Variants in DLGAP2 observed in about 807,000 individuals in gnomAD.
The protein encoded by DLGAP2 is DLG associated protein 2.
Under a neutral mutation model 100.3 loss-of-function variants are expected in DLGAP2, and 26 were observed. The ratio of observed to expected loss-of-function variants is 0.26; its 90% CI spans 0.19 to 0.36. DLGAP2 has a LOEUF of 0.36. DLGAP2 is among the 10% of genes least tolerant of loss of function. DLGAP2 has a pLI of 1.00. For synonymous variants in DLGAP2, 886 were observed against 630.1 expected (o/e 1.41, Z -6.08); for missense variants, 1,858 against 1,453.2 (o/e 1.28, Z -4.53).
intron 3 of DLGAP2, among the ~76,000 whole-genome samples, chr8:1,430,027 T>TATATATATATAC (rs1282725274): frequency 7.0e-4 from 54 of 76,840 alleles, no homozygotes; most frequent in Non-Finnish European, 9.2e-4. Flanking sequence ...TATATATATA[T>TATATATATATAC]ACACACACAC....
At chr8:1,065,090 T>C (rs1004895350) in intron 2 of DLGAP2, among the ~76,000 whole-genome samples, 1 of 152,222 alleles carries the variant, frequency 6.6e-6, no homozygotes, top group Non-Finnish European at 1.5e-5. Context: ...TGAGAAAATA[T>C]GTCTCCACGC....
intron 4 of DLGAP2, among the ~76,000 whole-genome samples, chr8:1,538,719 T>G (rs1165435337): frequency 6.6e-6 from 1 of 152,040 alleles, no homozygotes; most frequent in Non-Finnish European, 1.5e-5. Context: ...ACCTCTCTTA[T>G]CAGAGGCAAA....
At chr8:789,872 C>A (rs1279041526) in intron 1 of DLGAP2, among the ~76,000 whole-genome samples, 1 of 152,172 alleles carries the variant, frequency 6.6e-6, no homozygotes, top group South Asian at 2.1e-4. Flanking sequence ...GTGTAATGAT[C>A]AAAGCAGCTG....
At chr8:1,541,468 T>C (rs1219413883) in intron 4 of DLGAP2, among the ~76,000 whole-genome samples, 1 of 152,228 alleles carries the variant, frequency 6.6e-6, no homozygotes, top group Non-Finnish European at 1.5e-5. Context: ...TTACTGTGCC[T>C]GGGATGATGT....
chr8:927,170 T>C (rs1170850210), intron 2 of DLGAP2: 5 of 985,306 alleles, frequency 5.1e-6, no homozygotes, highest in Non-Finnish European at 4.8e-6. Flanking sequence ...ATGTGTCAGA[T>C]GGGGAGTGTT....
intron 6 of DLGAP2, among the ~76,000 whole-genome samples, chr8:1,585,716 G>A (rs900950985): frequency 3.9e-5 from 6 of 152,180 alleles, no homozygotes; most frequent in African/African-American, 1.4e-4. Context: ...CCCAGCCGTG[G>A]GCAGTGCCTG....
chr8:1,307,935 A>G (rs935333961), intron 3 of DLGAP2, among the ~76,000 whole-genome samples: 1 of 146,994 alleles, frequency 6.8e-6, no homozygotes, highest in Non-Finnish European at 1.5e-5. Context: ...CGCATTTTGG[A>G]GACAATGGCA....
chr8:1,340,434 T>C (rs2117080129), intron 3 of DLGAP2, among the ~76,000 whole-genome samples: 1 of 152,266 alleles, frequency 6.6e-6, no homozygotes, highest in South Asian at 2.1e-4. Context: ...AACAGACACT[T>C]TTCAAAAGAA....
Position 1,112,945 on chromosome 8 carries a change from C to T in DLGAP2, c.74-145906C>T, listed in dbSNP as rs1459448952. ...ATGACTAGCCGGTTATCCCAGCACC[C>T]TTTGTTGACTAGGGAGTCTTTTCCC... On this transcript the variant is annotated intron_variant, in intron 2 of 14. Coordinates refer to ENST00000637795, the MANE Select transcript of DLGAP2 (RefSeq NM_001346810.2). 9.2e-5 allele frequency among the ~76,000 whole-genome samples: 14 copies of T among 152,272 alleles called. No individual in the cohort carries two copies. In the East Asian group the frequency reaches 2.1e-3, roughly 23 times the overall value.
In DLGAP2 at chr8:1,485,850, C is replaced by T. The variant is rs142790856; in HGVS notation, c.107-15516C>T. On this transcript the variant is annotated intron_variant, in intron 3 of 14. Transcript: ENST00000637795. The stretch of plus-strand genomic sequence containing the variant: ...GAACAGCCTGGCCAACATGGCGAAA[C>T]CCCATCTCTACTAAAATACAAAAAT... Among the ~76,000 whole-genome samples the T allele has an allele frequency of 5.4e-3, 815 of 152,252 alleles. 7 individuals carry two copies. Among genetic ancestry groups the T allele is most frequent in the African/African-American group, 0.019 (778 of 41,536 alleles).
intron 2 of DLGAP2, among the ~76,000 whole-genome samples, chr8:1,047,993 C>G (rs1007561982): frequency 3.3e-5 from 5 of 152,112 alleles, no homozygotes. Flanking sequence ...AACCTTAGAC[C>G]GTTAAGGCCT....
At chr8:1,336,998 G>T (rs1276970366) in intron 3 of DLGAP2, among the ~76,000 whole-genome samples, 1 of 152,206 alleles carries the variant, frequency 6.6e-6, no homozygotes, top group African/African-American at 2.4e-5. Flanking sequence ...GGAGTGAGGA[G>T]CAGAGGCAAT....
At chr8:913,480 A>T (rs1278602874) in intron 2 of DLGAP2, among the ~76,000 whole-genome samples, 1 of 152,228 alleles carries the variant, frequency 6.6e-6, no homozygotes. Flanking sequence ...ATATGTTGAA[A>T]TGAGTCTTGA....
chr8:1,279,294 C>T (rs1215082484), intron 3 of DLGAP2, among the ~76,000 whole-genome samples: 1 of 152,156 alleles, frequency 6.6e-6, no homozygotes, highest in African/African-American at 2.4e-5. Flanking sequence ...ATCTTCTTCA[C>T]CTCAATTTCA....
At chr8:1,382,229 A>C (rs1796113700) in intron 3 of DLGAP2, among the ~76,000 whole-genome samples, 1 of 152,228 alleles carries the variant, frequency 6.6e-6, no homozygotes, top group African/African-American at 2.4e-5. Context: ...TGTTATGAAA[A>C]TCATAAAATA....
At chr8:1,190,733 A>G (rs117260921) in intron 2 of DLGAP2, among the ~76,000 whole-genome samples, 185 of 152,254 alleles carry the variant, frequency 1.2e-3, no homozygotes, top group Middle Eastern at 3.4e-3. Context: ...ACCTGCCTCA[A>G]TGAAGGTCCT....
At chr8:1,189,690 C>G (rs141175710) in intron 2 of DLGAP2, among the ~76,000 whole-genome samples, 1 of 152,142 alleles carries the variant, frequency 6.6e-6, no homozygotes, top group African/African-American at 2.4e-5. Flanking sequence ...GTTTTCCCCT[C>G]AGGAAGTTTA....
intron 6 of DLGAP2, among the ~76,000 whole-genome samples, chr8:1,574,358 C>T (rs1276863794): frequency 6.6e-6 from 1 of 152,106 alleles, no homozygotes; most frequent in African/African-American, 2.4e-5. Context: ...CAGCCCTCGC[C>T]GCTCTGGTAA....
chr8:1,029,173 G>A (rs1801902248), intron 2 of DLGAP2, among the ~76,000 whole-genome samples: 1 of 152,180 alleles, frequency 6.6e-6, no homozygotes, highest in Non-Finnish European at 1.5e-5. Context: ...GAGTCTAGCA[G>A]GCAGCGGGAG....
Sources: gnomAD v4.1 joint callset for allele counts (sites outside exome capture counted in the v4.1 genomes callset) on GRCh38, gnomAD v4.1.1 for gene constraint, MANE v1.5 for transcripts, NCBI Gene and HGNC (gene_info 2026-07-23, HGNC 2026-07-21) for gene names.